KCNB2: variants seen among roughly 807,000 people sequenced by gnomAD.
KCNB2 encodes the protein delayed rectifier potassium channel protein.
KCNB2 carries 15 observed loss-of-function variants against 61.5 expected under a neutral mutation model. The ratio of observed to expected loss-of-function variants is 0.24; its 90% confidence interval spans 0.16 to 0.38. The LOEUF is 0.38. Among genes scored for constraint, KCNB2 ranks in the 10% least tolerant of loss-of-function variants. KCNB2 has a pLI of 1.00. For missense variants in KCNB2, 828 were observed against 1,125.2 expected (o/e 0.74, Z 3.78); for synonymous variants, 457 against 446.0 (o/e 1.02, Z -0.31).
At chr8:72,928,419 C>T (rs906113915) in intron 2 of KCNB2, among the ~76,000 whole-genome samples, 10 of 151,976 alleles carry the variant, frequency 6.6e-5, no homozygotes, top group South Asian at 2.1e-4. Context: ...TGGTCTCGAA[C>T]TCCTCACCTC....
chr8:72,742,509 A>G (rs145341947), intron 2 of KCNB2, among the ~76,000 whole-genome samples: 7 of 152,212 alleles, frequency 4.6e-5, no homozygotes, highest in Non-Finnish European at 7.4e-5. Context: ...ACTTCACCAC[A>G]TTTCAGAGCC....
At chr8:72,606,936 T>C (rs959802146) in intron 2 of KCNB2, among the ~76,000 whole-genome samples, 3 of 152,160 alleles carry the variant, frequency 2.0e-5, no homozygotes, top group African/African-American at 7.2e-5. Context: ...CTTCAGCATC[T>C]GGGAGAGCAG....
In KCNB2 at chr8:72,766,706, A is replaced by G. The variant is rs561312835; in HGVS notation, c.580-169229A>G. Reference sequence around the variant, plus strand: ...TCAGATTTTGCAACCAGCTCTGAATATGATCCATAGATACCTAGGAAATAC... The same window carrying G: ...TCAGATTTTGCAACCAGCTCTGAATGTGATCCATAGATACCTAGGAAATAC... On this transcript the variant is annotated intron_variant, in intron 2 of 2. Coordinates refer to ENST00000523207, the MANE Select transcript of KCNB2 (RefSeq NM_004770.3). Among the ~76,000 whole-genome samples the G allele has an allele frequency of 3.3e-5, 5 of 152,346 alleles. No homozygotes were observed. The East Asian group carries it at 9.6e-4, about 29-fold the overall frequency.
chr8:72,633,913 A>C (rs1480784159), intron 2 of KCNB2, among the ~76,000 whole-genome samples: 1 of 152,216 alleles, frequency 6.6e-6, no homozygotes, highest in Non-Finnish European at 1.5e-5. Flanking sequence ...CCATAAAAAA[A>C]AAGGTCTGTG....
At chr8:72,753,953 T>A (rs1460484291) in intron 2 of KCNB2, among the ~76,000 whole-genome samples, 4 of 152,158 alleles carry the variant, frequency 2.6e-5, no homozygotes, top group Non-Finnish European at 5.9e-5. Flanking sequence ...TCCTGCAGCA[T>A]TGCACCTGTT....
At chr8:72,701,052 A>G (rs1435893689) in intron 2 of KCNB2, among the ~76,000 whole-genome samples, 1 of 152,132 alleles carries the variant, frequency 6.6e-6, no homozygotes, top group East Asian at 1.9e-4. Context: ...AAAGATGACA[A>G]CAATAGTCTC....
chr8:72,579,198 G>GC (rs1237944917), intron 2 of KCNB2, among the ~76,000 whole-genome samples: 7 of 152,072 alleles, frequency 4.6e-5, no homozygotes, highest in African/African-American at 1.7e-4. Flanking sequence ...CCCCTCGAGA[G>GC]CCCTCCTCAC....
chr8:72,747,360 C>G (rs1808094103), intron 2 of KCNB2, among the ~76,000 whole-genome samples: 1 of 152,130 alleles, frequency 6.6e-6, no homozygotes, highest in African/African-American at 2.4e-5. Flanking sequence ...TGGCCCAGAT[C>G]GTAAGAGCTT....
chr8:72,748,078 A>G (rs997285058), intron 2 of KCNB2, among the ~76,000 whole-genome samples: 1 of 152,230 alleles, frequency 6.6e-6, no homozygotes, highest in Non-Finnish European at 1.5e-5. Context: ...AGATAGTAAG[A>G]TAATAAAAAA....
intron 2 of KCNB2, among the ~76,000 whole-genome samples, chr8:72,872,312 C>G (rs945952743): frequency 4.6e-5 from 7 of 152,230 alleles, no homozygotes; most frequent in African/African-American, 1.7e-4. Context: ...CCATCTTTCT[C>G]AGGCAAATAG....
intron 2 of KCNB2, among the ~76,000 whole-genome samples, chr8:72,738,430 T>C (rs903360775): frequency 3.3e-5 from 5 of 152,176 alleles, no homozygotes; most frequent in African/African-American, 9.7e-5. Flanking sequence ...TCTAAGATTG[T>C]TTCCTGATGC....
chr8:72,561,160 ATT>A (rs757402090), intron 1 of KCNB2, among the ~76,000 whole-genome samples: 14 of 142,918 alleles, frequency 9.8e-5, no homozygotes, highest in East Asian at 2.1e-4. Flanking sequence ...AAAAGTTCTA[ATT>A]TTTTTTTTTT....
intron 2 of KCNB2, among the ~76,000 whole-genome samples, chr8:72,586,349 T>C (rs1807000670): frequency 1.3e-5 from 2 of 152,222 alleles, no homozygotes; most frequent in Non-Finnish European, 2.9e-5. Context: ...AGAATTTCTC[T>C]ATTGTATACA....
At chr8:72,618,596 T>C (rs1805657557) in intron 2 of KCNB2, 1 of 152,794 alleles carries the variant, frequency 6.5e-6, no homozygotes. Context: ...TGATCAATTA[T>C]GACATTATTA....
At chr8:72,815,814 G>A (rs1323664049) in intron 2 of KCNB2, among the ~76,000 whole-genome samples, 2 of 152,020 alleles carry the variant, frequency 1.3e-5, no homozygotes, top group African/African-American at 4.8e-5. Flanking sequence ...GTCAGGAGAG[G>A]GCATGAAGCA....
intron 2 of KCNB2, among the ~76,000 whole-genome samples, chr8:72,732,649 G>T (rs1807766883): frequency 1.3e-5 from 2 of 152,236 alleles, no homozygotes; most frequent in Admixed American, 6.5e-5. Context: ...GCCATTGCTG[G>T]TGATCCTGTG....
chr8:72,678,697 G>A (rs531440365), intron 2 of KCNB2, among the ~76,000 whole-genome samples: 110 of 152,272 alleles, frequency 7.2e-4, no homozygotes, highest in Non-Finnish European at 1.1e-3. Flanking sequence ...GATTTATGAC[G>A]TCAGGGATTT....
intron 2 of KCNB2, among the ~76,000 whole-genome samples, chr8:72,599,282 C>A (rs930925394): frequency 5.9e-5 from 9 of 152,018 alleles, no homozygotes; most frequent in South Asian, 2.1e-4. Flanking sequence ...CAGAGCCCTC[C>A]GAAATAATGC....
At chr8:72,810,923 G>A (rs530600693) in intron 2 of KCNB2, among the ~76,000 whole-genome samples, 41 of 152,234 alleles carry the variant, frequency 2.7e-4, no homozygotes, top group African/African-American at 8.2e-4. Flanking sequence ...GTCAGTTATG[G>A]TCATATGAAT....
Sources: allele counts gnomAD v4.1 joint callset (sites outside exome capture counted in the v4.1 genomes callset), GRCh38; gene constraint gnomAD v4.1.1; transcripts MANE v1.5; gene names NCBI Gene and HGNC (gene_info 2026-07-23, HGNC 2026-07-21).